Variants in SMCHD1 observed in about 807,000 individuals in gnomAD.
SMCHD1 encodes the protein structural maintenance of chromosomes flexible hinge domain containing 1.
Under a neutral mutation model 254.7 loss-of-function variants are expected in SMCHD1, and 78 were observed. That is an observed-to-expected ratio of 0.31 (90% CI 0.26 to 0.37). The LOEUF is 0.37. Among genes scored for constraint, SMCHD1 ranks in the 10% least tolerant of loss-of-function variants. The probability of loss-of-function intolerance (pLI) is 1.00; values close to 1 mark genes in which losing one functional copy is unlikely to be tolerated. For missense variants in SMCHD1, 1,840 were observed against 2,408.1 expected (o/e 0.76, Z 4.94); for synonymous variants, 766 against 794.9 (o/e 0.96, Z 0.61).
rs963323517 is a variant in SMCHD1, at chr18:2,739,353, A to G, written c.3426-79A>G. On this transcript the variant is annotated intron_variant, in intron 26 of 47. Transcript: ENST00000320876. The stretch of plus-strand genomic sequence containing the variant: ...GAGTTATTGGATATGAACATTATAT[A>G]TGTGTTATTCTGTAGCATGTTGGAA... 8.2e-5 allele frequency: 77 copies of G among 937,916 alleles called. No individual in the cohort carries two copies. In the African/African-American group the frequency reaches 1.1e-3, roughly 13 times the overall value. 58.1% of individuals were successfully genotyped at this position (937,916 alleles called of 1,614,324 possible).
intron 3 of SMCHD1, among the ~76,000 whole-genome samples, chr18:2,670,016 T>C (rs1192645768): frequency 6.6e-6 from 1 of 152,206 alleles, no homozygotes; most frequent in African/African-American, 2.4e-5. Flanking sequence ...CACCATTGTA[T>C]CACCCAGATT....
Position 2,789,555 on chromosome 18 carries a change from A to G in SMCHD1, c.5719+4934A>G, listed in dbSNP as rs139219346. 5.8e-3 allele frequency among the ~76,000 whole-genome samples: 889 copies of G among 152,234 alleles called. 14 individuals are homozygous for G. The highest frequency in any genetic ancestry group is 0.02 in the African/African-American group (846 of 41,538). ...CCCCACCATTTCTTGTTTCCTATACAGACTTAGGATGTTTCAGCTTACATT... is the reference window on the plus strand; with the variant it reads ...CCCCACCATTTCTTGTTTCCTATACGGACTTAGGATGTTTCAGCTTACATT... On this transcript the variant is annotated intron_variant, in intron 45 of 47. Transcript: ENST00000320876.
intron 39 of SMCHD1, among the ~76,000 whole-genome samples, chr18:2,770,829 C>T (rs763537010): frequency 7.2e-5 from 11 of 151,990 alleles, no homozygotes; most frequent in South Asian, 6.2e-4. Flanking sequence ...CCATGTTGGC[C>T]GGGCTGGTCT....
At chr18:2,759,213 G>A (rs2075736334) in intron 34 of SMCHD1, among the ~76,000 whole-genome samples, 1 of 152,048 alleles carries the variant, frequency 6.6e-6, no homozygotes, top group Admixed American at 6.6e-5. Context: ...GAAATAATTG[G>A]ATATATAGGA....
intron 1 of SMCHD1, among the ~76,000 whole-genome samples, chr18:2,656,689 G>A (rs1310175393): frequency 6.6e-6 from 1 of 152,192 alleles, no homozygotes; most frequent in Admixed American, 6.5e-5. Context: ...GTGTTGCGAC[G>A]GTGGGAAGTT....
chr18:2,719,530 C>T (rs2074878464), intron 19 of SMCHD1, among the ~76,000 whole-genome samples: 1 of 152,044 alleles, frequency 6.6e-6, no homozygotes, highest in Admixed American at 6.5e-5. Context: ...AACTTCTGAC[C>T]TCATGATCTG....
At chr18:2,772,074 A>ATT (rs1464649303) in intron 40 of SMCHD1, among the ~76,000 whole-genome samples, 176 bp from the exon 41 acceptor site, 1 of 151,780 alleles carries the variant, frequency 6.6e-6, no homozygotes, top group Non-Finnish European at 1.5e-5. Flanking sequence ...GGTTTTTAAA[A>ATT]TTGTGTTTTC....
chr18:2,659,723 A>G (rs1364343106), intron 1 of SMCHD1, among the ~76,000 whole-genome samples: 1 of 151,438 alleles, frequency 6.6e-6, no homozygotes, highest in Non-Finnish European at 1.5e-5. Context: ...ATTTTAATAT[A>G]AGATGTGCTC....
rs2076057903 is a variant in SMCHD1 at position 2,775,866 on chromosome 18, C to T, written c.5308C>T (p.Arg1770Cys). 6.2e-7 allele frequency: 1 copy of T among 1,611,842 alleles called. No homozygotes were observed. The highest frequency in any genetic ancestry group is 8.5e-7 in the Non-Finnish European group (1 of 1,179,246). ...TCGTATCTATGATGAAACCCAAGGT[C>T]GTCAGCAGGTGTTGCCCCTTGATTC... ...ARRIYDETQG[R>C]QQVLPLDSIY... Residue 1770 changes from arginine (R) to cysteine (C), a missense_variant, in exon 42 of 48, where the codon CGT (arginine) becomes TGT (cysteine). Transcript: ENST00000320876.
chr18:2,694,620 G>A lies in SMCHD1; in HGVS notation c.967G>A (p.Val323Ile). 2 of 1,612,796 alleles carry A rather than the reference G, an allele frequency of 1.2e-6. No homozygotes were observed. Among genetic ancestry groups the A allele is most frequent in the East Asian group, 2.2e-5 (1 of 44,824 alleles). ...EKEKDSFTAV[V>I]ITGVQPEHIQ... The stretch of plus-strand genomic sequence containing the variant: ...GGAAAAAGATAGCTTTACTGCTGTG[G>A]TTATCACAGGGGTACAACCAGAACA... The change falls in exon 8 of 48, where the codon GTT becomes ATT. Residue 323 changes from valine (V) to isoleucine (I), a missense_variant. By Grantham distance (29) the Val-to-Ile change is conservative. Around this residue, in one of 9 missense-constraint regions of SMCHD1, gnomAD observed 498 missense variants for 743.5 expected, o/e 0.67. Coordinates refer to ENST00000320876, the MANE Select transcript of SMCHD1 (RefSeq NM_015295.3).
intron 21 of SMCHD1, among the ~76,000 whole-genome samples, 154 bp from the exon 22 acceptor site, chr18:2,726,298 C>T (rs1323543741): frequency 6.6e-6 from 1 of 151,736 alleles, no homozygotes; most frequent in Non-Finnish European, 1.5e-5. Context: ...AGATTTCTGA[C>T]TCCATATATG....
chr18:2,658,962 A>T (rs1482818232), intron 1 of SMCHD1, among the ~76,000 whole-genome samples: 6 of 151,830 alleles, frequency 4.0e-5, no homozygotes, highest in East Asian at 1.9e-4. Flanking sequence ...ACATATATAT[A>T]TTTTTTACAC....
At chr18:2,675,863 A>T (rs1381001695) in intron 5 of SMCHD1, among the ~76,000 whole-genome samples, 1 of 152,212 alleles carries the variant, frequency 6.6e-6, no homozygotes, top group Non-Finnish European at 1.5e-5. Flanking sequence ...AAACTTTTAA[A>T]CTTAACCAAA....
At chr18:2,716,323 T>A (rs1033963130) in intron 17 of SMCHD1, among the ~76,000 whole-genome samples, 1 of 152,240 alleles carries the variant, frequency 6.6e-6, no homozygotes, top group African/African-American at 2.4e-5. Context: ...TCCTGAGCAC[T>A]GCACAATTGT....
At chr18:2,685,456 A>C (rs1206530588) in intron 5 of SMCHD1, among the ~76,000 whole-genome samples, 1 of 152,164 alleles carries the variant, frequency 6.6e-6, no homozygotes, top group Non-Finnish European at 1.5e-5. Context: ...GATATAAATA[A>C]CATAAAATTT....
At chr18:2,675,069 CTTACT>C (rs1477087338) in intron 5 of SMCHD1, among the ~76,000 whole-genome samples, 1 of 152,128 alleles carries the variant, frequency 6.6e-6, no homozygotes, top group Non-Finnish European at 1.5e-5. Context: ...CATTGGTCAA[CTTACT>C]TTACTTCTCT....
At chr18:2,665,989 T>C (rs541442202) in intron 1 of SMCHD1, among the ~76,000 whole-genome samples, 168 bp from the exon 2 acceptor site, 235 of 152,376 alleles carry the variant, frequency 1.5e-3, no homozygotes, top group Middle Eastern at 6.8e-3. Flanking sequence ...TTATGCACTA[T>C]TAATTATGCA....
rs756850648 is a variant in SMCHD1, at chr18:2,707,821, G to C, written c.2161G>C (p.Glu721Gln). ...AGTPIGALRI[E>Q]ILNKKGEAMQ... ...TTGACTCATAGGTGCGTTAAGAATTGAAATACTGAATAAAAAAGGGGAAGC... is the reference window on the plus strand; with the variant it reads ...TTGACTCATAGGTGCGTTAAGAATTCAAATACTGAATAAAAAAGGGGAAGC... Residue 721 changes from glutamate to glutamine, a missense_variant, in exon 17 of 48, where the codon GAA becomes CAA. By Grantham distance (29) the Glu-to-Gln change is conservative. Around this residue, in one of 9 missense-constraint regions of SMCHD1, gnomAD observed 498 missense variants for 743.5 expected, o/e 0.67. Coordinates refer to ENST00000320876, the MANE Select transcript of SMCHD1 (RefSeq NM_015295.3). The C allele has an allele frequency of 1.1e-5, 17 of 1,604,728 alleles. No individual in the cohort carries two copies. The highest frequency in any genetic ancestry group is 1.4e-5 in the Non-Finnish European group (17 of 1,176,124).
chr18:2,656,447 G>A lies in SMCHD1; in HGVS notation c.186+186G>A, dbSNP rs573251649. 4.3e-4 allele frequency among the ~76,000 whole-genome samples: 66 copies of A among 152,360 alleles called. 1 individual carries two copies. The highest frequency in any genetic ancestry group is 4.1e-3 in the Admixed American group (63 of 15,310). ...GGCCGGACGCCTCGGGCGGGCCCTG[G>A]CCCGGGCCTCGAAGTGCAGGGCCGG... On this transcript the variant is annotated intron_variant, in intron 1 of 47. Transcript: ENST00000320876.
Sources: allele counts gnomAD v4.1 joint callset (sites outside exome capture counted in the v4.1 genomes callset), GRCh38; gene constraint gnomAD v4.1.1; regional missense constraint gnomAD v4.1.1; transcripts MANE v1.5; gene names NCBI Gene and HGNC (gene_info 2026-07-23, HGNC 2026-07-21).